Variants in RIPOR3 observed in about 807,000 individuals in gnomAD.
RIPOR3 encodes family with sequence similarity 65 member C.
RIPOR3 carries 95 observed loss-of-function variants against 114.3 expected under a neutral mutation model. That is an observed-to-expected ratio of 0.83 (90% CI 0.70 to 0.99). RIPOR3 has a LOEUF of 0.99. Among genes scored for constraint, RIPOR3 ranks in the 50% least tolerant of loss-of-function variants. The pLI is 0.00. For synonymous variants in RIPOR3, 575 were observed against 543.8 expected, an observed-to-expected ratio of 1.06 and a Z score of -0.80; for missense variants, 1,252 against 1,266.9, an observed-to-expected ratio of 0.99 and a Z score of 0.18.
intron 1 of RIPOR3, among the ~76,000 whole-genome samples, 169 bp downstream of exon 1, chr20:50,690,957 C>G (rs2087191563): frequency 6.6e-6 from 1 of 152,218 alleles, no homozygotes; most frequent in Non-Finnish European, 1.5e-5. Flanking sequence ...CCACACAGCA[C>G]GATACCGCCA....
At chr20:50,591,926 A>C (rs766499523) in intron 19 of RIPOR3, among the ~76,000 whole-genome samples, 1 of 152,100 alleles carries the variant, frequency 6.6e-6, no homozygotes, top group African/African-American at 2.4e-5. Flanking sequence ...GAAACCCTGT[A>C]TCTACTAAAA....
At chr20:50,681,955 A>C (rs2086874541) in intron 1 of RIPOR3, among the ~76,000 whole-genome samples, 1 of 152,212 alleles carries the variant, frequency 6.6e-6, no homozygotes, top group South Asian at 2.1e-4. Flanking sequence ...GGCAAATTCC[A>C]CCCATTCAGG....
chr20:50,594,740 A>C, intron 16 of RIPOR3, 26 bp from the exon 17 acceptor site: 1 of 1,597,454 alleles, frequency 6.3e-7, no homozygotes. Context: ...CAGAAACCTG[A>C]ATGGTGACTC....
intron 11 of RIPOR3, 77 bp downstream of exon 11, chr20:50,608,312 C>A (rs2083802148): frequency 6.3e-6 from 10 of 1,589,684 alleles, no homozygotes; most frequent in South Asian, 5.7e-5. Context: ...GGTGCAGGAA[C>A]CCAGGGCCAG....
chr20:50,644,661 GTTTTTTTTTGTTTGCT>G (rs1568916741), intron 1 of RIPOR3, among the ~76,000 whole-genome samples: 1 of 87,780 alleles, frequency 1.1e-5, no homozygotes, highest in Non-Finnish European at 2.6e-5. Context: ...TTTCTGTTTT[GTTTTTTTTTGTTTGCT>G]TTTTTTTTTT....
intron 1 of RIPOR3, among the ~76,000 whole-genome samples, chr20:50,678,520 G>T (rs2086750650): frequency 6.6e-6 from 1 of 152,214 alleles, no homozygotes; most frequent in African/African-American, 2.4e-5. Context: ...TTATCATGGG[G>T]TTCACATACC....
intron 1 of RIPOR3, among the ~76,000 whole-genome samples, chr20:50,681,688 G>A (rs148555157): frequency 7.9e-5 from 12 of 152,272 alleles, no homozygotes; most frequent in East Asian, 5.8e-4. Context: ...CCAAGGATTC[G>A]CCCCTTCCTC....
chr20:50,662,081 T>C (rs996883283), intron 1 of RIPOR3: 2 of 152,324 alleles, frequency 1.3e-5, no homozygotes, highest in African/African-American at 4.8e-5. Context: ...AGCTGACTCC[T>C]GATGAGGAAA....
intron 10 of RIPOR3, 33 bp downstream of exon 10, chr20:50,608,580 C>A: frequency 6.2e-7 from 1 of 1,613,710 alleles, no homozygotes; most frequent in Non-Finnish European, 8.5e-7. Context: ...AACACCCAGG[C>A]ACCCCAGCCC....
At chr20:50,619,385 G>A (rs991427926) in intron 3 of RIPOR3, among the ~76,000 whole-genome samples, 2 of 150,732 alleles carry the variant, frequency 1.3e-5, no homozygotes, top group African/African-American at 4.9e-5. Context: ...AGGTTGCAGT[G>A]AGCTGAGATT....
intron 1 of RIPOR3, among the ~76,000 whole-genome samples, chr20:50,650,178 A>G (rs1188272675): frequency 6.6e-6 from 1 of 152,116 alleles, no homozygotes; most frequent in Non-Finnish European, 1.5e-5. Context: ...AAGAGGCAAG[A>G]GAACACTCTG....
chr20:50,587,471 G>T (rs1024249831), intron 21 of RIPOR3, 139 bp from the exon 22 acceptor site: 4 of 704,696 alleles, frequency 5.7e-6, no homozygotes, highest in Non-Finnish European at 9.7e-6. Flanking sequence ...GAGTATGTGC[G>T]GGAGCCCCCA....
At chr20:50,637,603 A>G (rs1473447374) in intron 1 of RIPOR3, among the ~76,000 whole-genome samples, 1 of 152,120 alleles carries the variant, frequency 6.6e-6, no homozygotes, top group African/African-American at 2.4e-5. Context: ...TCCTATAATT[A>G]TGGGCTCACG....
chr20:50,601,125 G>C (rs1452991507), intron 13 of RIPOR3, among the ~76,000 whole-genome samples: 1 of 152,190 alleles, frequency 6.6e-6, no homozygotes, highest in Non-Finnish European at 1.5e-5. Flanking sequence ...GGCCAGGTGG[G>C]AGTTGCCATT....
chr20:50,639,433 C>A (rs534423909), intron 1 of RIPOR3, among the ~76,000 whole-genome samples: 3 of 152,194 alleles, frequency 2.0e-5, no homozygotes, highest in African/African-American at 7.2e-5. Flanking sequence ...CTGGGCTGGA[C>A]ACACAGCCTC....
intron 1 of RIPOR3, among the ~76,000 whole-genome samples, chr20:50,641,283 C>G (rs1200527092): frequency 6.6e-6 from 1 of 151,960 alleles, no homozygotes; most frequent in African/African-American, 2.4e-5. Flanking sequence ...GGTGGGATCA[C>G]AGCTCACTGC....
At chr20:50,641,149 A>G (rs2426189) in intron 1 of RIPOR3, among the ~76,000 whole-genome samples, 75,179 of 151,788 alleles carry the variant, frequency 0.5, 21,787 homozygotes, top group African/African-American at 0.82. Flanking sequence ...GACCTCAGGT[A>G]ATCCGCCTGC....
chr20:50,592,281 C>T (rs1261156814), intron 19 of RIPOR3, 63 bp downstream of exon 19: 6 of 1,459,378 alleles, frequency 4.1e-6, no homozygotes, highest in Admixed American at 2.4e-5. Context: ...TCCATGAGAA[C>T]ACCAGCTTAC....
At chr20:50,587,947 A>G in intron 20 of RIPOR3, 55 bp from the exon 21 acceptor site, 1 of 1,558,958 alleles carries the variant, frequency 6.4e-7, no homozygotes, top group Non-Finnish European at 8.8e-7. Flanking sequence ...AACAGCAGGT[A>G]GAGTCCACTT....
Sources: allele counts gnomAD v4.1 joint callset (sites outside exome capture counted in the v4.1 genomes callset), GRCh38; gene constraint gnomAD v4.1.1; transcripts MANE v1.5; gene names NCBI Gene and HGNC (gene_info 2026-07-23, HGNC 2026-07-21).